Variants in CHD9 observed in about 807,000 individuals in gnomAD.
CHD9 encodes the protein ATP-dependent chromatin remodeler CHD9.
CHD9 carries 77 observed loss-of-function variants against 316.1 expected under a neutral mutation model. The observed-to-expected ratio is 0.24, with a 90% confidence interval of 0.20 to 0.29. The LOEUF (loss-of-function observed/expected upper bound fraction) is 0.29. CHD9 is among the 10% of genes least tolerant of loss of function. The probability of loss-of-function intolerance (pLI) is 1.00; values close to 1 mark genes in which losing one functional copy is unlikely to be tolerated. For synonymous variants in CHD9, 1,129 were observed against 1,158.3 expected (o/e 0.97, Z 0.51); for missense variants, 2,763 against 3,438.1 (o/e 0.80, Z 4.91).
intron 24 of CHD9, among the ~76,000 whole-genome samples, chr16:53,282,261 T>C (rs1022541697): frequency 6.6e-6 from 1 of 152,172 alleles, no homozygotes; most frequent in South Asian, 2.1e-4. Context: ...ACCCAAAATA[T>C]CTTCAAACTA....
intron 34 of CHD9, among the ~76,000 whole-genome samples, chr16:53,312,630 T>C (rs1461525117): frequency 1.3e-5 from 2 of 152,186 alleles, no homozygotes; most frequent in Non-Finnish European, 2.9e-5. Flanking sequence ...AATCTTAAGT[T>C]ATGAAAAGCA....
At chr16:53,223,184 G>A (rs2047383484) in intron 4 of CHD9, among the ~76,000 whole-genome samples, 1 of 150,518 alleles carries the variant, frequency 6.6e-6, no homozygotes, top group African/African-American at 2.4e-5. Context: ...CTGTTTTTGT[G>A]AAGAAAAGAT....
At chr16:53,313,148 T>A (rs1008038288) in intron 34 of CHD9, among the ~76,000 whole-genome samples, 12 of 151,920 alleles carry the variant, frequency 7.9e-5, no homozygotes, top group African/African-American at 2.9e-4. Flanking sequence ...AAGAAGTCAG[T>A]CTAATTTGGT....
intron 25 of CHD9, 108 bp downstream of exon 25, chr16:53,285,807 T>TTA: frequency 1.7e-6 from 1 of 576,910 alleles, no homozygotes; most frequent in Non-Finnish European, 3.0e-6. Flanking sequence ...AACATCTATG[T>TTA]TATATATACA....
chr16:53,278,921 C>G (rs926224243), intron 24 of CHD9, among the ~76,000 whole-genome samples: 2 of 152,184 alleles, frequency 1.3e-5, no homozygotes, highest in Non-Finnish European at 2.9e-5. Context: ...GGACTGTAAA[C>G]TACTTCAACC....
Position 53,324,303 on chromosome 16 carries a change from G to T in CHD9, c.8102G>T (p.Gly2701Val), listed in dbSNP as rs1270664346. The T allele has an allele frequency of 5.0e-6, 8 of 1,614,006 alleles. No individual in the cohort carries two copies. The highest frequency in any genetic ancestry group is 3.3e-4 in the Middle Eastern group (2 of 6,062). Residue 2701 changes from glycine to valine, a missense_variant, in exon 39 of 39, where the codon GGA (glycine) becomes GTA (valine). Gly to Val is a moderately radical substitution (Grantham distance 109, BLOSUM62 -3). This residue lies in a region of CHD9 where 298 missense variants were observed against 380.2 expected (regional missense o/e 0.78). Transcript: ENST00000447540. ...GGAATGCCTACCGGCCTTCCTTCTG[G>T]AGGAGAAGCTAAAAACATGGCTGCT... is the stretch of plus-strand genomic sequence containing the variant. ...LMGMPTGLPS[G>V]GEAKNMAAMF...
intron 2 of CHD9, among the ~76,000 whole-genome samples, chr16:53,158,201 G>A (rs1032548109): frequency 2.0e-5 from 3 of 152,024 alleles, no homozygotes; most frequent in Non-Finnish European, 4.4e-5. Context: ...CTAGATTAAA[G>A]AATATAAAAA....
chr16:53,116,345 C>A (rs1320608506), intron 1 of CHD9, among the ~76,000 whole-genome samples: 1 of 152,218 alleles, frequency 6.6e-6, no homozygotes, highest in African/African-American at 2.4e-5. Flanking sequence ...TAGGCGTGAG[C>A]CACCATGCCT....
In CHD9 at chr16:53,291,943, G is replaced by A. The variant is rs922812958; in HGVS notation, c.5290+176G>A. On this transcript the variant is annotated intron_variant, in intron 28 of 38. Coordinates refer to ENST00000447540, the MANE Select transcript of CHD9 (RefSeq NM_001308319.2). ...ACTGGGAATTTAACTACTTTTAGTG[G>A]TTATGAATCTTCAGGCAGTGACTCA... Among the ~76,000 whole-genome samples, 5 of 152,270 alleles carry A rather than the reference G, an allele frequency of 3.3e-5. 1 individual carries two copies. The East Asian group carries it at 5.8e-4, about 18-fold the overall frequency.
At position 53,274,342 on chromosome 16, in the gene CHD9, T is replaced by C. The variant is rs747714614; in HGVS notation, c.4967+40T>C. ...TTTTATTATTTTTGTTTGTTTGTTG[T>C]CTTGCCCAGGCAGCTTCAAGCTCCT... On this transcript the variant is annotated intron_variant, in intron 24 of 38. Coordinates refer to ENST00000447540, the MANE Select transcript of CHD9 (RefSeq NM_001308319.2). 47 of 1,328,324 alleles carry C rather than the reference T, an allele frequency of 3.5e-5. No homozygotes were observed. The Admixed American group carries it at 1.1e-3, about 31-fold the overall frequency. The allele number at this position is 1,328,324 out of a possible 1,614,324, so 82.3% of individuals were successfully genotyped here.
At chr16:53,123,544 C>T (rs954570516) in intron 1 of CHD9, among the ~76,000 whole-genome samples, 1 of 152,014 alleles carries the variant, frequency 6.6e-6, no homozygotes, top group African/African-American at 2.4e-5. Flanking sequence ...TCTTGTCACC[C>T]AGGCTAGAAT....
chr16:53,106,109 C>T (rs983933623), intron 1 of CHD9, among the ~76,000 whole-genome samples: 1 of 152,060 alleles, frequency 6.6e-6, no homozygotes, highest in East Asian at 1.9e-4. Context: ...CGTGAGCCAC[C>T]GCACCTGGCT....
intron 24 of CHD9, among the ~76,000 whole-genome samples, chr16:53,279,434 A>T (rs543751160): frequency 1.3e-5 from 2 of 152,212 alleles, no homozygotes; most frequent in Non-Finnish European, 2.9e-5. Context: ...TGGGTGCAGT[A>T]CACCAACATG....
chr16:53,199,251 G>C (rs749245331), intron 2 of CHD9, among the ~76,000 whole-genome samples: 7 of 152,058 alleles, frequency 4.6e-5, no homozygotes, highest in African/African-American at 7.2e-5. Context: ...GAGAGTTACT[G>C]TGCCTAGCCC....
chr16:53,200,945 A>G (rs1185177854), intron 2 of CHD9, among the ~76,000 whole-genome samples: 1 of 152,188 alleles, frequency 6.6e-6, no homozygotes, highest in Non-Finnish European at 1.5e-5. Flanking sequence ...TATGCCTGAC[A>G]CCATGCTAAA....
At chr16:53,113,203 C>T (rs561504880) in intron 1 of CHD9, among the ~76,000 whole-genome samples, 11 of 151,834 alleles carry the variant, frequency 7.2e-5, no homozygotes, top group East Asian at 1.9e-4. Context: ...AAATAAAGAA[C>T]GTCAATGTGA....
intron 1 of CHD9, among the ~76,000 whole-genome samples, chr16:53,106,321 C>T (rs766190343): frequency 5.9e-5 from 9 of 152,146 alleles, no homozygotes; most frequent in African/African-American, 2.2e-4. Context: ...ACACTTGAAC[C>T]AGAAGTTCAG....
At chr16:53,193,761 T>A (rs118041912) in intron 2 of CHD9, among the ~76,000 whole-genome samples, 2,578 of 152,322 alleles carry the variant, frequency 0.017, 137 homozygotes, top group Admixed American at 0.1. Context: ...AATCCTTTAG[T>A]TGAATGATCT....
intron 2 of CHD9, among the ~76,000 whole-genome samples, chr16:53,173,550 A>ATT (rs953561552): frequency 5.4e-4 from 79 of 146,904 alleles, no homozygotes; most frequent in East Asian, 2.0e-3. Context: ...ACCTAATTTT[A>ATT]TTTTTTTTTT....
Sources: gnomAD v4.1 joint callset for allele counts (sites outside exome capture counted in the v4.1 genomes callset) on GRCh38, gnomAD v4.1.1 for gene constraint, gnomAD v4.1.1 regional missense constraint, MANE v1.5 for transcripts, NCBI Gene and HGNC (gene_info 2026-07-23, HGNC 2026-07-21) for gene names.